OTOGL: variants seen among roughly 807,000 people sequenced by gnomAD.
OTOGL encodes the protein otogelin-like protein.
A neutral mutation model predicts 318.5 loss-of-function variants in OTOGL; 285 were observed. That is an observed-to-expected ratio of 0.89 (90% confidence interval 0.81 to 0.99). OTOGL has a LOEUF of 0.99. OTOGL is among the 50% of genes least tolerant of loss of function. The pLI is 0.00. For synonymous variants in OTOGL, 987 were observed against 936.5 expected (o/e 1.05, Z -0.99); for missense variants, 2,899 against 2,845.6 (o/e 1.02, Z -0.43).
intron 26 of OTOGL, among the ~76,000 whole-genome samples, chr12:80,280,260 G>T (rs1038274259): frequency 4.0e-5 from 6 of 151,326 alleles, no homozygotes; most frequent in Non-Finnish European, 8.9e-5. Flanking sequence ...TGTTTATTTT[G>T]TGGACATTTC....
At chr12:80,192,008 C>T (rs185576238) in intron 1 of OTOGL, among the ~76,000 whole-genome samples, 144 of 152,284 alleles carry the variant, frequency 9.5e-4, no homozygotes, top group Non-Finnish European at 9.9e-4. Context: ...TTAGAAGAAT[C>T]GTATTTTCAT....
intron 1 of OTOGL, among the ~76,000 whole-genome samples, chr12:80,171,812 A>G (rs887916310): frequency 6.6e-6 from 1 of 152,138 alleles, no homozygotes; most frequent in African/African-American, 2.4e-5. Context: ...TCAATTTTAT[A>G]GATCTTTTCA....
chr12:80,330,816 G>T (rs1231635764), intron 37 of OTOGL, among the ~76,000 whole-genome samples: 1 of 152,274 alleles, frequency 6.6e-6, no homozygotes, highest in African/African-American at 2.4e-5. Flanking sequence ...AAAATCGATT[G>T]TATTTCTGTA....
intron 1 of OTOGL, among the ~76,000 whole-genome samples, chr12:80,179,204 T>C (rs189814810): frequency 1.8e-4 from 28 of 152,274 alleles, no homozygotes; most frequent in African/African-American, 6.7e-4. Flanking sequence ...TTCTTATTAG[T>C]GTGCTCACAT....
rs762106589 is a variant in OTOGL, at chr12:80,212,014, G to A, written c.168+17G>A. On this transcript the variant is annotated intron_variant, in intron 4 of 58. Transcript: ENST00000547103. ...GCAGCACAGGTAGGTTATGCTTCAG[G>A]TGGAGAGAGAGGCAGAGAAATAATC... 3.8e-6 allele frequency: 6 copies of A among 1,560,992 alleles called. No homozygotes were observed. The highest frequency in any genetic ancestry group is 5.2e-6 in the Non-Finnish European group (6 of 1,156,596).
At chr12:80,358,577 A>G (rs2138036001) in intron 50 of OTOGL, 94 bp from the exon 51 acceptor site, 1 of 1,019,020 alleles carries the variant, frequency 9.8e-7, no homozygotes, top group South Asian at 1.6e-5. Flanking sequence ...ATATGAATCC[A>G]TGCATTATTG....
intron 1 of OTOGL, among the ~76,000 whole-genome samples, chr12:80,194,604 A>G (rs749393739): frequency 2.6e-5 from 4 of 152,236 alleles, no homozygotes; most frequent in Non-Finnish European, 4.4e-5. Context: ...AGAATCTGAC[A>G]ATACTGCTGT....
At chr12:80,247,276 T>A (rs1427337989) in intron 11 of OTOGL, among the ~76,000 whole-genome samples, 1 of 149,158 alleles carries the variant, frequency 6.7e-6, no homozygotes, top group Non-Finnish European at 1.5e-5. Context: ...TTTTGGATCT[T>A]TCCTGCTTTC....
intron 14 of OTOGL, 56 bp downstream of exon 14, chr12:80,253,630 T>C (rs1592612482): frequency 2.9e-6 from 4 of 1,363,262 alleles, no homozygotes; most frequent in African/African-American, 2.9e-5. Flanking sequence ...TTGACAACTT[T>C]ACCATGACAG....
At chr12:80,338,515 T>C (rs1019564032) in intron 42 of OTOGL, among the ~76,000 whole-genome samples, 10 of 152,084 alleles carry the variant, frequency 6.6e-5, no homozygotes. Context: ...TTGGATTGCC[T>C]ACATTAGTAT....
At chr12:80,294,912 AC>A (rs1885280145) in intron 26 of OTOGL, among the ~76,000 whole-genome samples, 1 of 152,068 alleles carries the variant, frequency 6.6e-6, no homozygotes. Flanking sequence ...ACATAGTGAC[AC>A]CCTGCCTCTA....
chr12:80,336,962 A>G lies in OTOGL; in HGVS notation c.4818A>G (p.Thr1606=). ...SGLCFKKLNV[T]TPIHKIIVNR... ...TTTGTTTTAAGAAGTTAAATGTGAC[A>G]ACACCCATACATAAAATAATTGTCA... The change falls in exon 42 of 59, where the codon ACA becomes ACG. Residue 1606 remains threonine (T), a synonymous_variant. Transcript: ENST00000547103. The G allele has an allele frequency of 6.3e-7, 1 of 1,595,648 alleles. No individual in the cohort carries two copies. Among genetic ancestry groups the G allele is most frequent in the Non-Finnish European group, 8.5e-7 (1 of 1,169,866 alleles).
chr12:80,358,645 T>A (rs1348271853), intron 50 of OTOGL, 26 bp from the exon 51 acceptor site: 1 of 1,528,420 alleles, frequency 6.5e-7, no homozygotes, highest in South Asian at 1.1e-5. Context: ...AAAATTCATC[T>A]TTACCCATGT....
chr12:80,232,946 C>T lies in OTOGL; in HGVS notation c.666C>T (p.Tyr222=), dbSNP rs1450039491. ...TTTTCATTGAGAAACTAGCTGACTA[C>T]ATTCTTGTGAAAACAACCTTTGGCT... ...GQIFIEKLAD[Y]ILVKTTFGFS... is the part of the protein sequence containing the mutation. The change falls in exon 9 of 59, where the codon TAC becomes TAT. Residue 222 remains tyrosine (Y), a synonymous_variant. Transcript: ENST00000547103. 1 of 1,599,180 alleles carries T rather than the reference C, an allele frequency of 6.3e-7. No homozygotes were observed. The highest frequency in any genetic ancestry group is 1.3e-5 in the African/African-American group (1 of 74,930).
intron 1 of OTOGL, among the ~76,000 whole-genome samples, chr12:80,185,668 T>G (rs1875241000): frequency 6.6e-6 from 1 of 152,220 alleles, no homozygotes; most frequent in African/African-American, 2.4e-5. Flanking sequence ...ATAATCTTGT[T>G]TTGTTAATCA....
At chr12:80,287,742 T>G (rs1884742910) in intron 26 of OTOGL, among the ~76,000 whole-genome samples, 1 of 152,190 alleles carries the variant, frequency 6.6e-6, no homozygotes, top group Non-Finnish European at 1.5e-5. Context: ...TTGCTTTCCA[T>G]TTGCTTGATA....
chr12:80,219,447 A>T (rs1185428551), intron 5 of OTOGL, among the ~76,000 whole-genome samples: 1 of 152,166 alleles, frequency 6.6e-6, no homozygotes, highest in Non-Finnish European at 1.5e-5. Flanking sequence ...AGCTGATGGG[A>T]TGTGCAGCCA....
rs1383722670 is a variant in OTOGL at position 80,297,393 on chromosome 12, A to G, written c.3063+432A>G. On this transcript the variant is annotated intron_variant, in intron 27 of 58. Coordinates refer to ENST00000547103, the MANE Select transcript of OTOGL (RefSeq NM_001378609.3). ...GTTGCCCAGGCTGGAGTGCAGTGGC[A>G]CGATCTCGGCTCACCTCAACCTCCG... Among the ~76,000 whole-genome samples the G allele has an allele frequency of 4.0e-5, 6 of 148,776 alleles. No homozygotes were observed. In the South Asian group the frequency reaches 8.4e-4, roughly 21 times the overall value.
intron 1 of OTOGL, among the ~76,000 whole-genome samples, chr12:80,171,384 T>G (rs1472654063): frequency 6.6e-6 from 1 of 152,060 alleles, no homozygotes; most frequent in Non-Finnish European, 1.5e-5. Flanking sequence ...CTGGATGAGG[T>G]TCTTTGTTTG....
Sources: allele counts gnomAD v4.1 joint callset (sites outside exome capture counted in the v4.1 genomes callset), GRCh38; gene constraint gnomAD v4.1.1; transcripts MANE v1.5; gene names NCBI Gene and HGNC (gene_info 2026-07-23, HGNC 2026-07-21).